Variants in SERPINB8 observed in about 807,000 individuals in gnomAD.
SERPINB8 encodes serpin B8.
A neutral mutation model predicts 35.3 loss-of-function variants in SERPINB8; 25 were observed. That is an observed-to-expected ratio of 0.71 (90% confidence interval 0.52 to 0.99). The LOEUF (loss-of-function observed/expected upper bound fraction) is 0.99. Among genes scored for constraint, SERPINB8 ranks in the 50% least tolerant of loss-of-function variants. The pLI is 0.00. For missense variants in SERPINB8, 484 were observed against 446.5 expected (o/e 1.08, Z -0.76); for synonymous variants, 186 against 160.8 (o/e 1.16, Z -1.19).
In SERPINB8 at chr18:63,999,110, G is replaced by A. The variant is rs370251952; in HGVS notation, c.71-5709G>A. Among the ~76,000 whole-genome samples the A allele has an allele frequency of 5.0e-4, 76 of 152,244 alleles. 2 individuals carry two copies. The South Asian group carries it at 0.015, about 30-fold the overall frequency. On this transcript the variant is annotated intron_variant, in intron 1 of 1. Coordinates refer to the SERPINB8 transcript ENST00000493661. Reference sequence around the variant, plus strand: ...CCTTTGGTCCTGTGAACTCAGATACGGGGCAAGAAGTGGGATCTAACCTCT... The same window carrying A: ...CCTTTGGTCCTGTGAACTCAGATACAGGGCAAGAAGTGGGATCTAACCTCT...
At chr18:63,997,188 A>G (rs2050854023) in intron 1 of SERPINB8, among the ~76,000 whole-genome samples, 1 of 152,186 alleles carries the variant, frequency 6.6e-6, no homozygotes, top group South Asian at 2.1e-4. Flanking sequence ...AGAAACAATT[A>G]TTGTCCTGTT....
At chr18:63,974,163 T>TTTG (rs1688281878) in intron 1 of SERPINB8, among the ~76,000 whole-genome samples, 1 of 144,252 alleles carries the variant, frequency 6.9e-6, no homozygotes, top group Admixed American at 6.7e-5. Flanking sequence ...TATTTACTTG[T>TTTG]TTTTTTCTGA....
chr18:63,989,806 A>G (rs962906108), downstream of SERPINB8, among the ~76,000 whole-genome samples: 126 of 150,658 alleles, frequency 8.4e-4, no homozygotes, highest in South Asian at 1.1e-3. Context: ...AGCTGGGCGT[A>G]GTGGTGGGCG....
chr18:63,978,347 C>T lies in SERPINB8; in HGVS notation c.39C>T (p.Ile13=), dbSNP rs767000611. 2 of 1,614,064 alleles carry T rather than the reference C, an allele frequency of 1.2e-6. No homozygotes were observed. Among genetic ancestry groups the T allele is most frequent in the East Asian group, 2.2e-5 (1 of 44,892 alleles). Residue 13 remains isoleucine (I), a synonymous_variant, in exon 2 of 7, where the codon ATC becomes ATT. Coordinates refer to ENST00000397985, the MANE Select transcript of SERPINB8 (RefSeq NM_002640.4). ...GTGAAGCAAATGGCACTTTTGCCAT[C>T]AGCTTATTTAAAATATTGGGGGAAG... ...DLCEANGTFA[I]SLFKILGEED...
At chr18:64,010,428 T>C (rs1019246937), downstream of SERPINB8, among the ~76,000 whole-genome samples, 3 of 152,150 alleles carry the variant, frequency 2.0e-5, no homozygotes, top group Non-Finnish European at 4.4e-5. Context: ...TCAGAAGACA[T>C]GCAAAATCAT....
intron 1 of SERPINB8, among the ~76,000 whole-genome samples, chr18:63,973,843 T>C (rs937557305): frequency 6.6e-6 from 1 of 152,256 alleles, no homozygotes; most frequent in Admixed American, 6.5e-5. Context: ...TCCATTGGTC[T>C]ATATCTCTGT....
At chr18:64,006,976 A>G (rs2050902834), downstream of SERPINB8, among the ~76,000 whole-genome samples, 1 of 152,158 alleles carries the variant, frequency 6.6e-6, no homozygotes, top group Non-Finnish European at 1.5e-5. Context: ...AATACTAAAA[A>G]TAAAAGAAGA....
intron 6 of SERPINB8, among the ~76,000 whole-genome samples, chr18:63,986,082 G>T (rs1457320821): frequency 1.3e-5 from 2 of 152,154 alleles, no homozygotes; most frequent in Admixed American, 6.5e-5. Flanking sequence ...CTAAGTCAGG[G>T]ATGACATCTG....
chr18:64,009,444 T>C (rs1485559816), downstream of SERPINB8, among the ~76,000 whole-genome samples: 1 of 152,224 alleles, frequency 6.6e-6, no homozygotes, highest in African/African-American at 2.4e-5. Flanking sequence ...TTAAAACTTA[T>C]TATAAAACTC....
rs1215516424 is a variant in SERPINB8, at chr18:63,978,312, G to T, written c.4G>T (p.Asp2Tyr). Residue 2 changes from aspartate to tyrosine, a missense_variant, in exon 2 of 7, where the codon GAT becomes TAT. Coordinates refer to ENST00000397985, the MANE Select transcript of SERPINB8 (RefSeq NM_002640.4). M[D>Y]DLCEANGTFA... ...CCTTTGATGCAGACCTTCTCTGATG[G>T]ATGACCTCTGTGAAGCAAATGGCAC... 1 of 1,614,138 alleles carries T rather than the reference G, an allele frequency of 6.2e-7. No individual in the cohort carries two copies. The highest frequency in any genetic ancestry group is 1.7e-5 in the Admixed American group (1 of 60,014).
intron 6 of SERPINB8, chr18:63,986,169 A>C (rs995335853): frequency 9.4e-6 from 11 of 1,167,948 alleles, no homozygotes; most frequent in Non-Finnish European, 1.4e-5. Context: ...GGAGAGGAGT[A>C]CCCACCTGGG....
downstream of SERPINB8, among the ~76,000 whole-genome samples, chr18:63,989,748 C>T (rs895403144): frequency 1.3e-5 from 2 of 151,774 alleles, no homozygotes; most frequent in African/African-American, 2.4e-5. Context: ...TCGAGACCAT[C>T]CCGGCTAAAA....
chr18:63,996,064 G>C (rs1480086514), intron 1 of SERPINB8, among the ~76,000 whole-genome samples: 1 of 151,980 alleles, frequency 6.6e-6, no homozygotes, highest in Non-Finnish European at 1.5e-5. Flanking sequence ...GTGGGTTTTA[G>C]CTGCTTGATA....
chr18:63,995,440 C>G (rs1438659888), intron 1 of SERPINB8, among the ~76,000 whole-genome samples: 1 of 152,202 alleles, frequency 6.6e-6, no homozygotes, highest in Non-Finnish European at 1.5e-5. Flanking sequence ...ATAATGTTCT[C>G]TGGTTTAGGG....
At chr18:64,011,957 A>G (rs976043991) in intron 7 of SERPINB8, among the ~76,000 whole-genome samples, 2 of 152,158 alleles carry the variant, frequency 1.3e-5, no homozygotes, top group Admixed American at 6.5e-5. Context: ...AGTTAATAGT[A>G]TTATGTTTGG....
chr18:64,011,541 G>A (rs2050925888), intron 7 of SERPINB8, among the ~76,000 whole-genome samples: 1 of 152,072 alleles, frequency 6.6e-6, no homozygotes, highest in South Asian at 2.1e-4. Flanking sequence ...TTAAGATCTT[G>A]ATGTAATTAT....
intron 7 of SERPINB8, among the ~76,000 whole-genome samples, chr18:64,015,906 CCTT>C: frequency 6.6e-6 from 1 of 152,204 alleles, no homozygotes; most frequent in Non-Finnish European, 1.5e-5. Flanking sequence ...TAGGCAATCT[CCTT>C]CTCCTCCTAA....
chr18:64,000,680 T>G (rs903665306), intron 1 of SERPINB8, among the ~76,000 whole-genome samples: 1 of 152,138 alleles, frequency 6.6e-6, no homozygotes, highest in African/African-American at 2.4e-5. Context: ...ACCTCCTTAT[T>G]AGGGGGCCTG....
intron 7 of SERPINB8, among the ~76,000 whole-genome samples, chr18:64,014,747 C>T (rs1003345396): frequency 1.3e-5 from 2 of 152,038 alleles, no homozygotes; most frequent in South Asian, 2.1e-4. Context: ...TTCCTTTGAT[C>T]GAAGATTGTT....
Sources: gnomAD v4.1 joint callset for allele counts (sites outside exome capture counted in the v4.1 genomes callset) on GRCh38, gnomAD v4.1.1 for gene constraint, MANE v1.5 for transcripts, NCBI Gene and HGNC (gene_info 2026-07-23, HGNC 2026-07-21) for gene names.